MINK1: variants seen among roughly 807,000 people sequenced by gnomAD.
MINK1 encodes misshapen like kinase 1, also known as misshapen-like kinase 1.
Under a neutral mutation model 178.4 loss-of-function variants are expected in MINK1, and 46 were observed. The observed-to-expected ratio is 0.26, with a 90% CI of 0.20 to 0.33. The LOEUF (loss-of-function observed/expected upper bound fraction) is 0.33, where lower values mean the gene tolerates loss of function less well. Among genes scored for constraint, MINK1 ranks in the 10% least tolerant of loss-of-function variants. The probability of loss-of-function intolerance (pLI) is 1.00; values close to 1 mark genes in which losing one functional copy is unlikely to be tolerated. For missense variants in MINK1, 1,366 were observed against 1,814.9 expected (o/e 0.75, Z 4.49); for synonymous variants, 797 against 709.7 (o/e 1.12, Z -1.96).
At chr17:4,890,490 G>C (rs374958042) in intron 13 of MINK1, 27 bp from the exon 14 acceptor site, 1 of 1,564,652 alleles carries the variant, frequency 6.4e-7, no homozygotes, top group Admixed American at 1.9e-5. Flanking sequence ...ACCCTGCTGA[G>C]CCCTCTCTCC....
rs549467410 is a variant in MINK1, at chr17:4,892,289, A to AG, written c.2087+62dup. ...GAGGTCTGAGGGCAGCCTAGGGAGT[A>AG]GGGGGGGCACAGGGACTTTACCAGC... On this transcript the variant is annotated intron_variant, in intron 17 of 31. Transcript: ENST00000355280. 649 of 1,513,648 alleles carry AG rather than the reference A, an allele frequency of 4.3e-4. 1 individual carries two copies. The highest frequency in any genetic ancestry group is 1.1e-3 in the Admixed American group (56 of 49,492). 93.8% of individuals were successfully genotyped at this position (1,513,648 alleles called of 1,614,324 possible). A position where few individuals can be genotyped will look rare whatever the true frequency, so the allele number is the denominator to read the frequency against.
chr17:4,841,530 C>T (rs542936973), intron 1 of MINK1, among the ~76,000 whole-genome samples: 26 of 151,100 alleles, frequency 1.7e-4, no homozygotes, highest in African/African-American at 5.6e-4. Flanking sequence ...GCCCCCCCTC[C>T]GATTTTGCCA....
chr17:4,892,154 T>G lies in MINK1; in HGVS notation c.2007T>G (p.Pro669=). The G allele has an allele frequency of 1.3e-6, 2 of 1,596,132 alleles. No homozygotes were observed. The highest frequency in any genetic ancestry group is 1.3e-5 in the African/African-American group (1 of 74,542). ...RPDNEAPPKV[P]QRTSSIATAL... The stretch of plus-strand genomic sequence containing the variant: ...ACGTGGACTTCTCTCCACAGGTGCC[T>G]CAGAGGACCTCATCTATCGCCACTG... Residue 669 remains proline, a synonymous_variant, in exon 17 of 32, where the codon CCT becomes CCG. Coordinates refer to ENST00000355280, the MANE Select transcript of MINK1 (RefSeq NM_153827.5).
Position 4,896,892 on chromosome 17 carries a change from A to G in MINK1, c.3915+79A>G, listed in dbSNP as rs751804527. The G allele has an allele frequency of 2.6e-5, 38 of 1,479,712 alleles. No individual in the cohort carries two copies. The East Asian group carries it at 9.0e-4, about 35-fold the overall frequency. The allele number at this position is 1,479,712 out of a possible 1,614,324, so 91.7% of individuals were successfully genotyped here. Reference sequence around the variant, plus strand: ...GGCCCCTGGGCAGAGTTCTGGGGAGAGGATGGTGGTGGTGGCTTCCTGAAA... The same window carrying G: ...GGCCCCTGGGCAGAGTTCTGGGGAGGGGATGGTGGTGGTGGCTTCCTGAAA... On this transcript the variant is annotated intron_variant, in intron 31 of 31. Transcript: ENST00000355280. This position sits in a 1 kb window ranked among gnomAD's most constrained non-coding sequence, Gnocchi z 4.6.
At chr17:4,865,237 C>G (rs965665078) in intron 1 of MINK1, among the ~76,000 whole-genome samples, 5 of 151,966 alleles carry the variant, frequency 3.3e-5, no homozygotes, top group Non-Finnish European at 7.4e-5. Context: ...TCGAGACCAG[C>G]CTGACTAACA....
At chr17:4,860,659 T>C in intron 1 of MINK1, 1 of 512,890 alleles carries the variant, frequency 1.9e-6, no homozygotes, top group Admixed American at 2.0e-5. Context: ...AGGTAGGAGC[T>C]GTGGGAGGAG....
chr17:4,865,506 TC>T (rs1258565814), intron 1 of MINK1, among the ~76,000 whole-genome samples: 2 of 152,076 alleles, frequency 1.3e-5, no homozygotes, highest in African/African-American at 2.4e-5. Flanking sequence ...GATTTTTTTT[TC>T]TTCCCCTTTT....
rs137902653 is a variant in MINK1, at chr17:4,853,532, G to T, written c.57+19892G>T. On this transcript the variant is annotated intron_variant, in intron 1 of 31. Coordinates refer to ENST00000355280, the MANE Select transcript of MINK1 (RefSeq NM_153827.5). Reference sequence around the variant, plus strand: ...ATCGGAAGGCTATGCAAGTTTGAGCGCTTGCTTCACCTTGACAAACATTTC... The same window carrying T: ...ATCGGAAGGCTATGCAAGTTTGAGCTCTTGCTTCACCTTGACAAACATTTC... Among the ~76,000 whole-genome samples the T allele has an allele frequency of 9.0e-3, 1,362 of 151,926 alleles. 7 individuals carry two copies. The highest frequency in any genetic ancestry group is 0.015 in the Non-Finnish European group (1,001 of 67,910).
At chr17:4,889,840 T>C in intron 13 of MINK1, 77 bp downstream of exon 13, 3 of 969,446 alleles carry the variant, frequency 3.1e-6, no homozygotes, top group Non-Finnish European at 2.9e-6. Context: ...CCCGTGCCCT[T>C]CCCCCTTCTC....
At position 4,896,536 on chromosome 17, in the gene MINK1, G is replaced by A; in HGVS notation, c.3723G>A (p.Gly1241=). The A allele has an allele frequency of 4.3e-6, 7 of 1,613,970 alleles. No individual in the cohort carries two copies. Among genetic ancestry groups the A allele is most frequent in the Non-Finnish European group, 5.9e-6 (7 of 1,179,870 alleles). ...AGGGTGTCTACGTCAACACGTACGG[G>A]CGCATCATTAAGGATGTGGTGCTGC... ...EDEGVYVNTY[G]RIIKDVVLQW... The change falls in exon 30 of 32, where the codon GGG becomes GGA. Residue 1241 remains glycine (G), a synonymous_variant. Coordinates refer to ENST00000355280, the MANE Select transcript of MINK1 (RefSeq NM_153827.5). The surrounding 1 kb of genome is among the most constrained non-coding windows in gnomAD (Gnocchi z 4.6).
At chr17:4,839,317 C>A (rs1326496076) in intron 1 of MINK1, among the ~76,000 whole-genome samples, 1 of 152,112 alleles carries the variant, frequency 6.6e-6, no homozygotes, top group African/African-American at 2.4e-5. Flanking sequence ...TTTTGTTAAA[C>A]CTGATTTCCA....
intron 1 of MINK1, among the ~76,000 whole-genome samples, chr17:4,872,690 T>G (rs954473607): frequency 6.6e-6 from 1 of 152,198 alleles, no homozygotes; most frequent in South Asian, 2.1e-4. Flanking sequence ...GAGAATTGCT[T>G]GAACCCAGGA....
At chr17:4,842,740 G>A (rs576066591) in intron 1 of MINK1, among the ~76,000 whole-genome samples, 3 of 152,196 alleles carry the variant, frequency 2.0e-5, no homozygotes, top group Admixed American at 6.5e-5. Context: ...CCTAAGCAGC[G>A]TGAGGCAAAG....
chr17:4,881,269 C>G lies in MINK1; in HGVS notation c.306+12C>G. On this transcript the variant is annotated intron_variant, in intron 4 of 31. Transcript: ENST00000355280. ...ATGACCAGCTCTGGGTGAGAAACGCCCCCCTGCCCGCCTTCCCTCCCCGCA... is the reference window on the plus strand; with the variant it reads ...ATGACCAGCTCTGGGTGAGAAACGCGCCCCTGCCCGCCTTCCCTCCCCGCA... The G allele has an allele frequency of 6.5e-7, 1 of 1,536,422 alleles. No individual in the cohort carries two copies. The highest frequency in any genetic ancestry group is 8.7e-7 in the Non-Finnish European group (1 of 1,146,522).
At chr17:4,865,923 C>T (rs1346204807) in intron 1 of MINK1, among the ~76,000 whole-genome samples, 1 of 152,018 alleles carries the variant, frequency 6.6e-6, no homozygotes, top group East Asian at 1.9e-4. Flanking sequence ...GGGTTTGTGT[C>T]ATCTGAGATG....
Position 4,889,773 on chromosome 17 carries a change from C to T in MINK1, c.1347+10C>T, listed in dbSNP as rs544278556. The stretch of plus-strand genomic sequence containing the variant: ...GGCGGAGCGCGAGCAGGTAGAGCGC[C>T]GCACCCGCATCCCTGCCCTCCCGCC... On this transcript the variant is annotated intron_variant, in intron 13 of 31. Coordinates refer to ENST00000355280, the MANE Select transcript of MINK1 (RefSeq NM_153827.5). 7.2e-6 allele frequency: 11 copies of T among 1,521,618 alleles called. No individual in the cohort carries two copies. The highest frequency in any genetic ancestry group is 3.7e-5 in the South Asian group (3 of 81,720). 94.3% of individuals were successfully genotyped at this position (1,521,618 alleles called of 1,614,324 possible).
intron 1 of MINK1, among the ~76,000 whole-genome samples, chr17:4,849,273 C>CG (rs1911546028): frequency 6.6e-6 from 1 of 152,196 alleles, no homozygotes; most frequent in Admixed American, 6.5e-5. Context: ...TCTGGCCCTG[C>CG]GTGCTGTTTT....
chr17:4,847,230 G>GTTCATTCATTCA (rs59076401), intron 1 of MINK1: 55 of 461,000 alleles, frequency 1.2e-4, no homozygotes, highest in African/African-American at 5.8e-4. Flanking sequence ...TTTGGTTCCA[G>GTTCATTCATTCA]TTCATTCATT....
At chr17:4,855,190 TAAA>T (rs151257228) in intron 1 of MINK1, among the ~76,000 whole-genome samples, 1 of 130,158 alleles carries the variant, frequency 7.7e-6, no homozygotes, top group Non-Finnish European at 1.6e-5. Flanking sequence ...ACTCCTGTCT[TAAA>T]AAAAAAAAAA....
Sources: gnomAD v4.1 joint callset for allele counts (sites outside exome capture counted in the v4.1 genomes callset) on GRCh38, gnomAD v4.1.1 for gene constraint, Gnocchi (gnomAD v3.1) non-coding constraint, MANE v1.5 for transcripts, NCBI Gene and HGNC (gene_info 2026-07-23, HGNC 2026-07-21) for gene names.